The following ZNF469 variants were observed in gnomAD, a reference collection of about 807,000 sequenced individuals.
ZNF469 encodes the protein zinc finger protein 469.
A neutral mutation model predicts 1.0 loss-of-function variants in ZNF469; 1 was observed. The observed-to-expected ratio is 1.00, with a 90% CI of 0.35 to 4.73. The LOEUF is 4.73. Ranked by LOEUF, ZNF469 falls within the 30% of genes most tolerant of loss-of-function variation. The pLI, the probability that ZNF469 is intolerant of heterozygous loss-of-function variation, is 0.16. For missense variants in ZNF469, 6,100 were observed against 5,356.3 expected (o/e 1.14, Z -4.33); for synonymous variants, 2,703 against 2,363.4 (o/e 1.14, Z -4.17).
chr16:88,102,568 T>G, the ZNF469 span, among the ~76,000 whole-genome samples: 29 of 152,366 alleles, frequency 1.9e-4, no homozygotes, highest in African/African-American at 7.0e-4. Flanking sequence ...TCTTGCCCAG[T>G]GTGATGGCTT....
At chr16:88,182,736 C>T in the ZNF469 span, among the ~76,000 whole-genome samples, 2 of 150,900 alleles carry the variant, frequency 1.3e-5, no homozygotes, top group African/African-American at 4.9e-5. Context: ...ACATTAAATA[C>T]AAAATCTAAA....
At chr16:88,372,849 CCAT>C in the ZNF469 span, among the ~76,000 whole-genome samples, 68 of 151,930 alleles carry the variant, frequency 4.5e-4, 1 homozygote, top group South Asian at 1.9e-3. Flanking sequence ...ACCATCACCA[CCAT>C]CATCATCACC....
chr16:88,146,706 ACAGCACAAGGGTGGTTTC>A, the ZNF469 span, among the ~76,000 whole-genome samples: 3 of 151,966 alleles, frequency 2.0e-5, no homozygotes, highest in Non-Finnish European at 4.4e-5. Flanking sequence ...GGCCCTCCAC[ACAGCACAAGGGTGGTTTC>A]CAGCCCATGA....
chr16:88,433,951 G>A lies in ZNF469; in HGVS notation c.6481G>A (p.Gly2161Ser), dbSNP rs944778197. 1.1e-5 allele frequency: 17 copies of A among 1,550,044 alleles called. No homozygotes were observed. The highest frequency in any genetic ancestry group is 4.1e-5 in the African/African-American group (3 of 73,056). The change falls in exon 3 of 3, where the codon GGC (glycine) becomes AGC (serine). Residue 2161 changes from glycine to serine, a missense_variant. Gly to Ser is a moderately conservative substitution (Grantham distance 56, BLOSUM62 0). Transcript: ENST00000565624. The part of the protein sequence containing the change: ...PASPSCRDPP[G>S]PQQLLACSPA... ...ATCTCCGTCCTGCAGGGACCCTCCC[G>A]GCCCCCAGCAGCTGCTGGCCTGTTC...
the ZNF469 span, among the ~76,000 whole-genome samples, chr16:88,152,761 CGAGGGTCGGAAGGACTGCA>C: frequency 6.6e-6 from 1 of 152,082 alleles, no homozygotes; most frequent in African/African-American, 2.4e-5. The surrounding 1 kb of genome is among the most constrained non-coding windows in gnomAD (Gnocchi z 4.2). Flanking sequence ...TCTGGGAAGG[CGAGGGTCGGAAGGACTGCA>C]GAGTTGCCAG....
intron 1 of ZNF469, among the ~76,000 whole-genome samples, chr16:88,401,020 C>A (rs570523987): frequency 8.5e-5 from 13 of 152,168 alleles, no homozygotes; most frequent in African/African-American, 3.1e-4. Flanking sequence ...AGGCCATTGT[C>A]CCCCACCAAG....
the ZNF469 span, among the ~76,000 whole-genome samples, chr16:88,153,332 G>A: frequency 6.6e-6 from 1 of 152,210 alleles, no homozygotes; most frequent in African/African-American, 2.4e-5. Flanking sequence ...GTTATTCCCT[G>A]TATCCCTTCA....
At chr16:88,347,386 A>G in the ZNF469 span, among the ~76,000 whole-genome samples, 1 of 152,108 alleles carries the variant, frequency 6.6e-6, no homozygotes, top group Non-Finnish European at 1.5e-5. Flanking sequence ...CTGTTATTCA[A>G]AGGTGAGATT....
chr16:88,421,952 C>T (rs944014899), intron 1 of ZNF469, among the ~76,000 whole-genome samples: 16 of 152,104 alleles, frequency 1.1e-4, no homozygotes, highest in African/African-American at 9.7e-5. Context: ...AATGTAAAGA[C>T]TTGTGGATGG....
the ZNF469 span, among the ~76,000 whole-genome samples, chr16:88,246,376 G>C: frequency 6.6e-6 from 1 of 152,182 alleles, no homozygotes; most frequent in South Asian, 2.1e-4. Flanking sequence ...GTCATAGTGG[G>C]GGAGCAAAGG....
chr16:88,344,654 C>T, the ZNF469 span, among the ~76,000 whole-genome samples: 27 of 152,340 alleles, frequency 1.8e-4, no homozygotes, highest in South Asian at 5.6e-3. Flanking sequence ...CCCGGGCCCT[C>T]TCTGGGCCTG....
chr16:88,252,270 G>A, the ZNF469 span, among the ~76,000 whole-genome samples: 1 of 148,422 alleles, frequency 6.7e-6, no homozygotes, highest in East Asian at 1.9e-4. Context: ...CAGGGATTTG[G>A]GCAGAGCTCA....
At chr16:88,210,175 C>T in the ZNF469 span, among the ~76,000 whole-genome samples, 1 of 151,818 alleles carries the variant, frequency 6.6e-6, no homozygotes. Context: ...TGTTTAAGGC[C>T]CATTTATAAA....
rs1905618950 is a variant in ZNF469, at chr16:88,424,562, AAGCTGCAGCTGAGGC to A, written c.-191-241_-191-227del. On this transcript the variant is annotated intron_variant, in intron 1 of 2. Coordinates refer to ENST00000565624, the MANE Select transcript of ZNF469 (RefSeq NM_001367624.2). The surrounding 1 kb of genome is among the most constrained non-coding windows in gnomAD (Gnocchi z 4.3). Reference sequence around the variant, plus strand: ...AAAAAGAGATTTAAGATAGCCGTCAAAGCTGCAGCTGAGGCAGCCAGGTGACCCCTAAACCCTTCA... The same window carrying A: ...AAAAAGAGATTTAAGATAGCCGTCAAAGCCAGGTGACCCCTAAACCCTTCA... Among the ~76,000 whole-genome samples, 1 of 152,204 alleles carries A rather than the reference AAGCTGCAGCTGAGGC, an allele frequency of 6.6e-6. No homozygotes were observed. Among genetic ancestry groups the A allele is most frequent in the Non-Finnish European group, 1.5e-5 (1 of 68,022 alleles).
At chr16:88,164,876 C>T in the ZNF469 span, among the ~76,000 whole-genome samples, 17 of 152,166 alleles carry the variant, frequency 1.1e-4, no homozygotes, top group African/African-American at 2.7e-4. Flanking sequence ...GGACACTTCC[C>T]GTGGGGTTGG....
the ZNF469 span, among the ~76,000 whole-genome samples, chr16:88,256,951 T>TTTCCTTCTTTC: frequency 6.0e-5 from 1 of 16,670 alleles, no homozygotes; most frequent in Non-Finnish European, 1.6e-4. Flanking sequence ...TCTTTCTTTC[T>TTTCCTTCTTTC]TTTCTTTTCT....
the ZNF469 span, among the ~76,000 whole-genome samples, chr16:88,312,287 G>A: frequency 3.3e-5 from 5 of 152,164 alleles, no homozygotes; most frequent in African/African-American, 4.8e-5. Flanking sequence ...CTATCAGTAC[G>A]GTAGTTCTAA....
At chr16:88,396,499 CATGAAGGGAGGCCAGGCGGAGACCCGT>C (rs1904666023) in intron 1 of ZNF469, among the ~76,000 whole-genome samples, 4 of 145,670 alleles carry the variant, frequency 2.7e-5, no homozygotes, top group African/African-American at 5.1e-5. Context: ...AGGAGACCCT[CATGAAGGGAGGCCAGGCGGAGACCCGT>C]CTGAAGGGAG....
chr16:88,374,960 G>A, the ZNF469 span, among the ~76,000 whole-genome samples: 107 of 152,324 alleles, frequency 7.0e-4, no homozygotes, highest in African/African-American at 2.3e-3. Flanking sequence ...TGGAATCTAC[G>A]CACAAGGCTC....
Sources: allele counts gnomAD v4.1 joint callset (sites outside exome capture counted in the v4.1 genomes callset), GRCh38; gene constraint gnomAD v4.1.1; non-coding constraint Gnocchi (gnomAD v3.1); transcripts MANE v1.5; gene names NCBI Gene and HGNC (gene_info 2026-07-23, HGNC 2026-07-21).